The following STPG2 variants were observed in gnomAD, a reference collection of about 807,000 sequenced individuals.
STPG2 encodes the protein sperm tail PG-rich repeat containing 2.
STPG2 carries 56 observed loss-of-function variants against 54.2 expected under a neutral mutation model. The ratio of observed to expected loss-of-function variants is 1.03; its 90% confidence interval spans 0.83 to 1.29. STPG2 has a LOEUF of 1.29. Ranked by LOEUF, STPG2 falls within the 50% of genes most tolerant of loss-of-function variation. The probability of loss-of-function intolerance (pLI) is 0.00; values close to 1 mark genes in which losing one functional copy is unlikely to be tolerated. For synonymous variants in STPG2, 200 were observed against 181.8 expected, an observed-to-expected ratio of 1.10 and a Z score of -0.81; for missense variants, 596 against 544.9, an observed-to-expected ratio of 1.09 and a Z score of -0.93.
chr4:98,125,457 C>A (rs1431355167), intron 3 of STPG2, among the ~76,000 whole-genome samples: 1 of 152,150 alleles, frequency 6.6e-6, no homozygotes, highest in Non-Finnish European at 1.5e-5. Context: ...TGGGGGTCCA[C>A]ACCCTATTTG....
chr4:97,661,624 C>G (rs1722378471), intron 10 of STPG2, among the ~76,000 whole-genome samples: 1 of 151,922 alleles, frequency 6.6e-6, no homozygotes, highest in Non-Finnish European at 1.5e-5. Context: ...AGCTGAAATT[C>G]TCTATACTCC....
chr4:97,833,111 T>C (rs975077748), intron 9 of STPG2, among the ~76,000 whole-genome samples: 2 of 152,170 alleles, frequency 1.3e-5, no homozygotes, highest in East Asian at 1.9e-4. Flanking sequence ...CTTCAAACTA[T>C]ACTACAAGGC....
intron 10 of STPG2, among the ~76,000 whole-genome samples, chr4:97,647,804 G>A (rs1721952637): frequency 6.6e-6 from 1 of 152,108 alleles, no homozygotes. Context: ...TGGGCAGAGG[G>A]AAACAGGTGT....
chr4:97,926,632 A>C (rs1732341111), intron 8 of STPG2, among the ~76,000 whole-genome samples: 1 of 152,188 alleles, frequency 6.6e-6, no homozygotes, highest in Non-Finnish European at 1.5e-5. Flanking sequence ...TTTCTGACAT[A>C]GAAATTCTAA....
At chr4:97,898,869 T>C (rs184126672) in intron 8 of STPG2, among the ~76,000 whole-genome samples, 7 of 151,830 alleles carry the variant, frequency 4.6e-5, no homozygotes, top group Admixed American at 3.9e-4. Flanking sequence ...ATTCAATTAT[T>C]ATTTGTATAA....
intron 8 of STPG2, among the ~76,000 whole-genome samples, chr4:97,883,775 T>C (rs1438929070): frequency 1.3e-5 from 2 of 152,168 alleles, no homozygotes; most frequent in Non-Finnish European, 2.9e-5. Flanking sequence ...GTTCTAATAC[T>C]CATGTAATTG....
At chr4:97,906,515 A>G (rs528183203) in intron 8 of STPG2, among the ~76,000 whole-genome samples, 2 of 152,362 alleles carry the variant, frequency 1.3e-5, no homozygotes, top group South Asian at 2.1e-4. Context: ...AACTCATTTT[A>G]TCAGGCCAGT....
chr4:97,933,348 G>C (rs1383641176), intron 8 of STPG2, among the ~76,000 whole-genome samples: 1 of 152,024 alleles, frequency 6.6e-6, no homozygotes, highest in African/African-American at 2.4e-5. Context: ...CTTTTGGTGT[G>C]CAGAAGCTCT....
At chr4:98,069,753 A>AT (rs1737944624) in intron 5 of STPG2, among the ~76,000 whole-genome samples, 1 of 152,080 alleles carries the variant, frequency 6.6e-6, no homozygotes, top group South Asian at 2.1e-4. Flanking sequence ...CTTACGGCAC[A>AT]TATTTATTCA....
At chr4:97,748,079 T>C (rs2149043424) in intron 9 of STPG2, among the ~76,000 whole-genome samples, 1 of 151,598 alleles carries the variant, frequency 6.6e-6, no homozygotes, top group South Asian at 2.1e-4. Flanking sequence ...AATGAGCTGC[T>C]TCTGTTCCTT....
Position 97,611,695 on chromosome 4 carries a change from T to C in STPG2, c.1321-52578A>G, listed in dbSNP as rs574043071. Among the ~76,000 whole-genome samples, 40 of 151,878 alleles carry C rather than the reference T, an allele frequency of 2.6e-4. 1 individual carries two copies. In the East Asian group the frequency reaches 7.6e-3, roughly 29 times the overall value. ...TAAATAGATCTAACATAGCCTACAA[T>C]AAAGGTGACATGAATCAGTGGGGAA... On this transcript the variant is annotated intron_variant, in intron 10 of 10. Transcript: ENST00000295268.
intron 9 of STPG2, among the ~76,000 whole-genome samples, chr4:97,765,303 AAGAT>A (rs1726007926): frequency 1.3e-5 from 2 of 152,138 alleles, no homozygotes; most frequent in Admixed American, 6.5e-5. Flanking sequence ...TATACTGAGA[AAGAT>A]AGGGCATGTT....
At chr4:98,094,696 G>C (rs1160197415) in intron 5 of STPG2, among the ~76,000 whole-genome samples, 1 of 152,160 alleles carries the variant, frequency 6.6e-6, no homozygotes, top group Non-Finnish European at 1.5e-5. Context: ...ATTGGCAGTG[G>C]CCTAGCACAA....
In STPG2 at chr4:97,946,253, T is replaced by A. The variant is rs1312240936; in HGVS notation, c.934-2246A>T. Among the ~76,000 whole-genome samples, 3 of 152,180 alleles carry A rather than the reference T, an allele frequency of 2.0e-5. No individual in the cohort carries two copies. In the South Asian group the frequency reaches 6.2e-4, roughly 32 times the overall value. ...ACTTTTTCATGAAACTGTTTTATTT[T>A]CTTGCTGGTTTGTTTGAGTTCCTTG... is the stretch of plus-strand genomic sequence containing the variant. On this transcript the variant is annotated intron_variant, in intron 7 of 10. Coordinates refer to ENST00000295268, the MANE Select transcript of STPG2 (RefSeq NM_174952.3).
At chr4:97,752,065 T>C (rs1430302458) in intron 9 of STPG2, among the ~76,000 whole-genome samples, 1 of 151,804 alleles carries the variant, frequency 6.6e-6, no homozygotes, top group East Asian at 1.9e-4. Context: ...AAACATTAAA[T>C]ATAATGAAGA....
intron 8 of STPG2, among the ~76,000 whole-genome samples, chr4:97,928,236 A>T (rs917609421): frequency 1.3e-5 from 2 of 152,170 alleles, no homozygotes; most frequent in African/African-American, 4.8e-5. Flanking sequence ...GGTAGGGCAA[A>T]TGCCCTTACG....
chr4:97,874,631 T>A (rs1401964397), intron 8 of STPG2, among the ~76,000 whole-genome samples: 1 of 151,836 alleles, frequency 6.6e-6, no homozygotes, highest in East Asian at 1.9e-4. Flanking sequence ...GTATTTTGTT[T>A]CTGGTTTCCT....
At chr4:97,736,905 T>C (rs1001936605) in intron 9 of STPG2, among the ~76,000 whole-genome samples, 2 of 152,140 alleles carry the variant, frequency 1.3e-5, no homozygotes, top group African/African-American at 2.4e-5. Flanking sequence ...CAGACTGCCT[T>C]GTCAAGTGGG....
chr4:97,983,978 T>C (rs1466451545), intron 5 of STPG2, among the ~76,000 whole-genome samples: 1 of 152,182 alleles, frequency 6.6e-6, no homozygotes. Context: ...CACAAGGTCC[T>C]CTTTCACCTC....
Sources: gnomAD v4.1 joint callset for allele counts (sites outside exome capture counted in the v4.1 genomes callset) on GRCh38, gnomAD v4.1.1 for gene constraint, MANE v1.5 for transcripts, NCBI Gene and HGNC (gene_info 2026-07-23, HGNC 2026-07-21) for gene names.